The following PRKG1 variants were observed in gnomAD, a reference collection of about 807,000 sequenced individuals.
PRKG1 encodes protein kinase cGMP-dependent 1, also known as cGMP-dependent protein kinase 1.
Under a neutral mutation model 88.1 loss-of-function variants are expected in PRKG1, and 35 were observed. The observed-to-expected ratio is 0.40, with a 90% CI of 0.30 to 0.53. The LOEUF is 0.53. Ranked by LOEUF, PRKG1 falls within the 20% of genes least tolerant of loss-of-function variation. PRKG1 has a pLI of 0.59. For missense variants in PRKG1, 540 were observed against 839.8 expected (o/e 0.64, Z 4.41); for synonymous variants, 303 against 292.5 (o/e 1.04, Z -0.37).
chr10:51,539,558 C>T (rs1024334487), intron 3 of PRKG1, among the ~76,000 whole-genome samples: 7 of 152,152 alleles, frequency 4.6e-5, no homozygotes, highest in African/African-American at 1.7e-4. Flanking sequence ...TTTCTCAAGA[C>T]TTGACCGACT....
At chr10:51,582,223 G>A (rs1838058126) in intron 3 of PRKG1, among the ~76,000 whole-genome samples, 1 of 152,176 alleles carries the variant, frequency 6.6e-6, no homozygotes, top group South Asian at 2.1e-4. Context: ...TCTCTTCTCT[G>A]AGAAAATGTA....
intron 2 of PRKG1, among the ~76,000 whole-genome samples, chr10:51,434,864 G>A (rs2132732781): frequency 6.6e-6 from 1 of 152,092 alleles, no homozygotes; most frequent in Non-Finnish European, 1.5e-5. Context: ...GTGCTAAATG[G>A]ATCTCACTTT....
rs1319548309 is a variant in PRKG1, at chr10:51,642,956, C to T, written c.593-161629C>T. ...CTGTTTCTAAAACTAAAGTAATCCACGTTCTTATCTTAAATCTCTATTTCT... is the reference window on the plus strand; with the variant it reads ...CTGTTTCTAAAACTAAAGTAATCCATGTTCTTATCTTAAATCTCTATTTCT... On this transcript the variant is annotated intron_variant, in intron 3 of 17. Coordinates refer to ENST00000373980, the MANE Select transcript of PRKG1 (RefSeq NM_006258.4). 3.3e-5 allele frequency among the ~76,000 whole-genome samples: 5 copies of T among 152,288 alleles called. No individual in the cohort carries two copies. In the East Asian group the frequency reaches 7.7e-4, roughly 23 times the overall value.
intron 7 of PRKG1, among the ~76,000 whole-genome samples, chr10:52,069,997 A>G (rs1217408207): frequency 6.6e-6 from 1 of 152,174 alleles, no homozygotes; most frequent in Non-Finnish European, 1.5e-5. Context: ...ACACTAATCA[A>G]TAGCTCTATT....
intron 1 of PRKG1, among the ~76,000 whole-genome samples, chr10:51,062,252 A>C (rs950901709): frequency 1.3e-5 from 2 of 152,208 alleles, no homozygotes; most frequent in Non-Finnish European, 2.9e-5. Flanking sequence ...GCCTGATTTC[A>C]GTTTTTTTCC....
intron 3 of PRKG1, among the ~76,000 whole-genome samples, chr10:51,540,466 G>A (rs971103553): frequency 2.6e-5 from 4 of 151,962 alleles, no homozygotes; most frequent in African/African-American, 4.8e-5. Flanking sequence ...TGATGACATC[G>A]TATCTTTAGG....
chr10:51,516,482 G>A (rs1841589909), intron 3 of PRKG1, among the ~76,000 whole-genome samples: 1 of 152,140 alleles, frequency 6.6e-6, no homozygotes, highest in African/African-American at 2.4e-5. Flanking sequence ...CACAGGGATA[G>A]AAGTTCCCAC....
chr10:51,494,718 C>A (rs1286019591), intron 3 of PRKG1, among the ~76,000 whole-genome samples: 1 of 152,150 alleles, frequency 6.6e-6, no homozygotes, highest in Non-Finnish European at 1.5e-5. Context: ...AGTCTAAAAC[C>A]AGGATAGTTT....
At position 52,220,815 on chromosome 10, in the gene PRKG1, C is replaced by T. The variant is rs151268577; in HGVS notation, c.1077-30755C>T. On this transcript the variant is annotated intron_variant, in intron 9 of 17. Coordinates refer to ENST00000373980, the MANE Select transcript of PRKG1 (RefSeq NM_006258.4). ...ACCACATTTTCTTTATCCAGTATAC[C>T]GTTGATGGGCATTTAGGTTGGTTCC... Among the ~76,000 whole-genome samples, 1,058 of 152,092 alleles carry T rather than the reference C, an allele frequency of 7.0e-3. 13 individuals are homozygous for T. The highest frequency in any genetic ancestry group is 0.024 in the African/African-American group (999 of 41,516).
intron 5 of PRKG1, among the ~76,000 whole-genome samples, chr10:52,005,889 A>C (rs1844722373): frequency 6.6e-6 from 1 of 152,134 alleles, no homozygotes; most frequent in African/African-American, 2.4e-5. Context: ...GATCAGGGCC[A>C]ACCTGGCAAG....
chr10:52,057,909 A>G (rs1846147693), intron 6 of PRKG1, among the ~76,000 whole-genome samples: 1 of 152,074 alleles, frequency 6.6e-6, no homozygotes, highest in South Asian at 2.1e-4. Context: ...AGAACAAGAT[A>G]AAGATATACA....
chr10:51,354,184 G>C (rs1422410040), intron 2 of PRKG1, among the ~76,000 whole-genome samples: 1 of 109,390 alleles, frequency 9.1e-6, no homozygotes, highest in East Asian at 3.0e-4. Flanking sequence ...GAGAGGTGGG[G>C]ACGGTTAATG....
At chr10:51,948,520 GTCTC>G (rs1218775329) in intron 5 of PRKG1, among the ~76,000 whole-genome samples, 3 of 116,292 alleles carry the variant, frequency 2.6e-5, no homozygotes, top group Admixed American at 8.5e-5. Flanking sequence ...ACTTGTGTGT[GTCTC>G]TGTGTGTGTG....
At chr10:52,041,929 T>C (rs1845763129) in intron 5 of PRKG1, among the ~76,000 whole-genome samples, 1 of 151,862 alleles carries the variant, frequency 6.6e-6, no homozygotes, top group African/African-American at 2.4e-5. Flanking sequence ...AAAAAAGAAA[T>C]AAAGAAATCT....
intron 2 of PRKG1, among the ~76,000 whole-genome samples, chr10:51,205,360 C>A (rs980876026): frequency 2.0e-5 from 3 of 151,008 alleles, no homozygotes; most frequent in Non-Finnish European, 4.4e-5. Flanking sequence ...TGGTCTCGAA[C>A]CCCTGACCTC....
At chr10:52,183,943 G>T (rs1839115870) in intron 9 of PRKG1, among the ~76,000 whole-genome samples, 1 of 152,144 alleles carries the variant, frequency 6.6e-6, no homozygotes, top group African/African-American at 2.4e-5. Flanking sequence ...CCCTACAGGG[G>T]GAAGTCCCTC....
chr10:51,709,823 C>T (rs1841698063), intron 3 of PRKG1, among the ~76,000 whole-genome samples: 1 of 152,130 alleles, frequency 6.6e-6, no homozygotes, highest in Non-Finnish European at 1.5e-5. Flanking sequence ...CTCCTGACAG[C>T]AGGTGTCTGC....
chr10:51,207,730 C>T (rs903675620), intron 2 of PRKG1, among the ~76,000 whole-genome samples: 3 of 152,136 alleles, frequency 2.0e-5, no homozygotes, highest in Non-Finnish European at 4.4e-5. Flanking sequence ...AAGCCAATGG[C>T]AACTTTATAA....
chr10:52,073,031 A>T lies in PRKG1; in HGVS notation c.935+10400A>T, dbSNP rs185780261. ...TGTCACCAGGCCACACTCCCTTTGG[A>T]AGCTCTAGGGAGGAATCTGTTCCAT... On this transcript the variant is annotated intron_variant, in intron 7 of 17. Transcript: ENST00000373980. 2.3e-3 allele frequency among the ~76,000 whole-genome samples: 356 copies of T among 152,276 alleles called. 4 individuals carry two copies. Among genetic ancestry groups the T allele is most frequent in the Middle Eastern group, 3.4e-3 (1 of 294 alleles).
Sources: allele counts gnomAD v4.1 joint callset (sites outside exome capture counted in the v4.1 genomes callset), GRCh38; gene constraint gnomAD v4.1.1; transcripts MANE v1.5; gene names NCBI Gene and HGNC (gene_info 2026-07-23, HGNC 2026-07-21).